NCMAP: variants seen among roughly 807,000 people sequenced by gnomAD.
NCMAP encodes noncompact myelin-associated protein.
NCMAP carries 8 observed loss-of-function variants against 7.8 expected under a neutral mutation model. The ratio of observed to expected loss-of-function variants is 1.02; its 90% CI spans 0.60 to 1.84. The LOEUF (loss-of-function observed/expected upper bound fraction) is 1.84, where lower values mean the gene tolerates loss of function less well. Ranked by LOEUF, NCMAP falls within the 40% of genes most tolerant of loss-of-function variation. The pLI is 0.00. For missense variants in NCMAP, 112 were observed against 131.4 expected (o/e 0.85, Z 0.72); for synonymous variants, 41 against 52.9 (o/e 0.78, Z 0.98).
At chr1:24,569,512 A>G (rs988251255) in intron 1 of NCMAP, among the ~76,000 whole-genome samples, 1 of 150,472 alleles carries the variant, frequency 6.6e-6, no homozygotes, top group African/African-American at 2.5e-5. Context: ...CAGTCAAATG[A>G]TAATAGTAAC....
chr1:24,595,559 G>C, intron 2 of NCMAP, 47 bp downstream of exon 2: 3 of 1,464,568 alleles, frequency 2.0e-6, no homozygotes, highest in Non-Finnish European at 2.9e-6. Flanking sequence ...GGCAGGACCA[G>C]TGTCATGGTC....
chr1:24,586,970 T>C (rs1221114953), intron 1 of NCMAP, among the ~76,000 whole-genome samples: 1 of 152,200 alleles, frequency 6.6e-6, no homozygotes, highest in Non-Finnish European at 1.5e-5. Context: ...GTATAGGACA[T>C]GCTTCATCTC....
At chr1:24,577,042 G>A (rs955880651) in intron 1 of NCMAP, among the ~76,000 whole-genome samples, 2 of 152,080 alleles carry the variant, frequency 1.3e-5, no homozygotes, top group African/African-American at 4.8e-5. Flanking sequence ...TGAGGCTGAG[G>A]AAGAAGCATC....
At chr1:24,558,251 G>C (rs1458010745) in intron 1 of NCMAP, among the ~76,000 whole-genome samples, 2 of 152,182 alleles carry the variant, frequency 1.3e-5, no homozygotes, top group Non-Finnish European at 2.9e-5. Context: ...TTTAATATCG[G>C]TGTTTTGCCC....
chr1:24,604,616 A>G lies in NCMAP; in HGVS notation c.168-990A>G, dbSNP rs1315962320. On this transcript the variant is annotated intron_variant, in intron 3 of 3. Coordinates refer to ENST00000374392, the MANE Select transcript of NCMAP (RefSeq NM_001010980.5). ...AAAAAAAAAAAAAAAATATATATATATATATATATATATATATATATATAT... is the reference window on the plus strand; with the variant it reads ...AAAAAAAAAAAAAAAATATATATATGTATATATATATATATATATATATAT... Among the ~76,000 whole-genome samples, 3 of 28,188 alleles carry G rather than the reference A, an allele frequency of 1.1e-4. No individual in the cohort carries two copies. In the East Asian group the frequency reaches 2.5e-3, roughly 24 times the overall value. 18.5% of individuals were successfully genotyped at this position (28,188 alleles called of 152,430 possible).
chr1:24,594,930 GTTTA>G (rs750729844), intron 1 of NCMAP, among the ~76,000 whole-genome samples: 7 of 152,172 alleles, frequency 4.6e-5, no homozygotes, highest in African/African-American at 1.2e-4. Flanking sequence ...TTTTTCATCT[GTTTA>G]TTTATTTATT....
chr1:24,561,874 C>A (rs192788169), intron 1 of NCMAP, among the ~76,000 whole-genome samples: 7 of 149,614 alleles, frequency 4.7e-5, no homozygotes, highest in African/African-American at 1.7e-4. Context: ...CATGCCACCG[C>A]ACTCTACTCT....
chr1:24,606,996 CTTT>C lies in NCMAP; in HGVS notation c.*1263_*1265del, dbSNP rs200666100. 8 of 126,330 alleles carry C rather than the reference CTTT, an allele frequency of 6.3e-5. No homozygotes were observed. Among genetic ancestry groups the C allele is most frequent in the Non-Finnish European group, 6.3e-5 (4 of 63,008 alleles). 7.8% of individuals were successfully genotyped at this position (126,330 alleles called of 1,614,324 possible). ...TTCTTTTTCTTTTCTTTTTTCTTTT[CTTT>C]TTTTTTTTTTTTTGAGACAGAGCCT... On this transcript the variant is annotated 3_prime_UTR_variant, in exon 4 of 4. Transcript: ENST00000374392.
chr1:24,580,750 C>A (rs533956839), intron 1 of NCMAP, among the ~76,000 whole-genome samples: 1 of 152,300 alleles, frequency 6.6e-6, no homozygotes, highest in Non-Finnish European at 1.5e-5. Context: ...TGAGCCACTG[C>A]GCCCAGGCAG....
At chr1:24,567,872 G>A (rs747143402) in intron 1 of NCMAP, among the ~76,000 whole-genome samples, 10 of 152,156 alleles carry the variant, frequency 6.6e-5, no homozygotes, top group Non-Finnish European at 1.3e-4. Flanking sequence ...TGGGAGAGGA[G>A]GCAGGAGAGA....
chr1:24,589,756 C>T (rs1193655568), intron 1 of NCMAP: 1 of 152,246 alleles, frequency 6.6e-6, no homozygotes, highest in East Asian at 1.9e-4. Context: ...ACATGCAACA[C>T]CCAGGTTCAC....
At chr1:24,561,240 G>T (rs1425635925) in intron 1 of NCMAP, among the ~76,000 whole-genome samples, 1 of 150,974 alleles carries the variant, frequency 6.6e-6, no homozygotes, top group Non-Finnish European at 1.5e-5. Flanking sequence ...TCAGCTACTT[G>T]GAAGGCTGAG....
chr1:24,601,108 G>A (rs574871483), intron 3 of NCMAP, 84 bp downstream of exon 3: 27 of 1,094,776 alleles, frequency 2.5e-5, no homozygotes, highest in Admixed American at 2.4e-4. Flanking sequence ...ATGGGTGTCC[G>A]TCGTGTGCCT....
At chr1:24,563,862 C>T (rs1439683422) in intron 1 of NCMAP, 1 of 152,164 alleles carries the variant, frequency 6.6e-6, no homozygotes, top group Admixed American at 6.6e-5. Flanking sequence ...CAGCAGGGCT[C>T]TTAACCCTGA....
intron 2 of NCMAP, among the ~76,000 whole-genome samples, chr1:24,597,676 GA>G (rs1557602717): frequency 9.2e-6 from 1 of 108,910 alleles, no homozygotes; most frequent in Non-Finnish European, 2.0e-5. Flanking sequence ...AGAAAGAAAA[GA>G]AAAAGAAAGA....
At chr1:24,599,660 C>A (rs927568858) in intron 2 of NCMAP, among the ~76,000 whole-genome samples, 8 of 152,214 alleles carry the variant, frequency 5.3e-5, no homozygotes, top group Non-Finnish European at 1.0e-4. Flanking sequence ...TCACTGAAAC[C>A]TCTGCCTCCC....
intron 3 of NCMAP, among the ~76,000 whole-genome samples, chr1:24,601,868 G>A (rs1375406148): frequency 2.0e-5 from 3 of 152,038 alleles, no homozygotes; most frequent in African/African-American, 7.3e-5. Flanking sequence ...GTGAAACCCC[G>A]TCTCTACTAA....
At chr1:24,577,995 G>T (rs936078279) in intron 1 of NCMAP, among the ~76,000 whole-genome samples, 1 of 152,140 alleles carries the variant, frequency 6.6e-6, no homozygotes, top group African/African-American at 2.4e-5. Flanking sequence ...AGGCACAATG[G>T]CTCACGCCTG....
At chr1:24,573,960 A>AG in intron 1 of NCMAP, among the ~76,000 whole-genome samples, 1 of 145,424 alleles carries the variant, frequency 6.9e-6, no homozygotes, top group African/African-American at 2.7e-5. Context: ...GACAAAAAAA[A>AG]AAAAAAAAAA....
Sources: gnomAD v4.1 joint callset for allele counts (sites outside exome capture counted in the v4.1 genomes callset) on GRCh38, gnomAD v4.1.1 for gene constraint, MANE v1.5 for transcripts, NCBI Gene and HGNC (gene_info 2026-07-23, HGNC 2026-07-21) for gene names.